Variants in WDR97 observed in about 807,000 individuals in gnomAD.
WDR97 encodes WD repeat-containing protein 97.
In WDR97, 111 loss-of-function variants were observed where a neutral mutation model predicts 65.4. That is an observed-to-expected ratio of 1.70 (90% CI 1.45 to 1.99). WDR97 has a LOEUF of 1.99. Ranked by LOEUF, WDR97 falls within the 30% of genes most tolerant of loss-of-function variation. WDR97 has a pLI of 0.00. For synonymous variants in WDR97, 802 were observed against 397.7 expected (o/e 2.02, Z -12.10); for missense variants, 1,674 against 865.0 (o/e 1.94, Z -11.73).
rs557275471 is a variant in WDR97 at position 144,115,337 on chromosome 8, C to T, written c.4078-4C>T. On this transcript the variant is annotated splice_polypyrimidine_tract_variant and splice_region_variant and intron_variant, in intron 21 of 23. Coordinates refer to ENST00000323662, the MANE Select transcript of WDR97 (RefSeq NM_001316309.2). ...AGACCTTAGCACTTTCCTCTCCTCCCAAGGAGACCCCATCGCAGACGTCAG... is the reference window on the plus strand; with the variant it reads ...AGACCTTAGCACTTTCCTCTCCTCCTAAGGAGACCCCATCGCAGACGTCAG... 7.2e-5 allele frequency: 43 copies of T among 597,036 alleles called. 1 individual carries two copies. The East Asian group carries it at 1.2e-3, about 17-fold the overall frequency. 37.0% of individuals were successfully genotyped at this position (597,036 alleles called of 1,614,324 possible). A position where few individuals can be genotyped will look rare whatever the true frequency, so the allele number is the denominator to read the frequency against.
rs1423751673 is a variant in WDR97 at position 144,116,240 on chromosome 8, G to A, written c.4816G>A (p.Ala1606Thr). The change falls in exon 24 of 24, where the codon GCC becomes ACC. Residue 1606 changes from alanine (A) to threonine (T), a missense_variant. Transcript: ENST00000323662. ...GCTGCCCCCGCGGCTCCTGCAGCCG[G>A]CCCTGCAGCGCTACTTTCTGCCAGC... ...RPLPPRLLQP[A>T]LQRYFLPADA... 1.5e-6 allele frequency: 1 copy of A among 676,912 alleles called. No homozygotes were observed. Among genetic ancestry groups the A allele is most frequent in the Admixed American group, 2.2e-5 (1 of 45,934 alleles). 41.9% of individuals were successfully genotyped at this position (676,912 alleles called of 1,614,324 possible).
In WDR97 at chr8:144,109,558, G is replaced by A; in HGVS notation, c.1224G>A (p.Leu408=). The A allele has an allele frequency of 1.4e-6, 1 of 696,752 alleles. No individual in the cohort carries two copies. The highest frequency in any genetic ancestry group is 2.6e-6 in the Non-Finnish European group (1 of 382,174). 43.2% of individuals were successfully genotyped at this position (696,752 alleles called of 1,614,324 possible). ...VLSLCASSMQ[L]WRVRELYSPL... ...CCCTGTGCGCGAGCAGCATGCAGCT[G>A]TGGCGCGTACGCGAGCTCTACTCGC... is the stretch of plus-strand genomic sequence containing the variant. The change falls in exon 5 of 24, where the codon CTG becomes CTA. Residue 408 remains leucine, a synonymous_variant. Transcript: ENST00000323662.
At chr8:144,113,380 G>A in intron 15 of WDR97, 60 bp from the exon 16 acceptor site, 1 of 623,200 alleles carries the variant, frequency 1.6e-6, no homozygotes. Context: ...AGGTGACCAA[G>A]GGTGGTGTCC....
In WDR97 at chr8:144,109,035, T is replaced by G. The variant is rs1214344806; in HGVS notation, c.879-14T>G. ...TGTTAAGTCCATTGGGATTCTCCCA[T>G]TCCCCACCTGTAGCACCATCTCGGA... On this transcript the variant is annotated splice_polypyrimidine_tract_variant and intron_variant, in intron 3 of 23. Coordinates refer to ENST00000323662, the MANE Select transcript of WDR97 (RefSeq NM_001316309.2). The G allele has an allele frequency of 1.4e-6, 1 of 703,168 alleles. No individual in the cohort carries two copies. The highest frequency in any genetic ancestry group is 2.0e-5 in the Admixed American group (1 of 50,016). The allele number at this position is 703,168 out of a possible 1,614,324, so 43.6% of individuals were successfully genotyped here.
chr8:144,117,560 A>C lies in WDR97; in HGVS notation c.*1267A>C, dbSNP rs1198939391. 1 of 152,520 alleles carries C rather than the reference A, an allele frequency of 6.6e-6. No homozygotes were observed. Among genetic ancestry groups the C allele is most frequent in the Admixed American group, 6.5e-5 (1 of 15,276 alleles). The allele number at this position is 152,520 out of a possible 1,614,324, so 9.4% of individuals were successfully genotyped here. ...ATCTGAGGGACCCCACATGACTTACAATCAGACAAGGTAGGTCAGAGGATT... is the reference window on the plus strand; with the variant it reads ...ATCTGAGGGACCCCACATGACTTACCATCAGACAAGGTAGGTCAGAGGATT... On this transcript the variant is annotated 3_prime_UTR_variant, in exon 24 of 24. Transcript: ENST00000323662.
rs994560775 is a variant in WDR97, at chr8:144,111,925, C to T, written c.2676C>T (p.Ala892=). 12 of 702,346 alleles carry T rather than the reference C, an allele frequency of 1.7e-5. No individual in the cohort carries two copies. The highest frequency in any genetic ancestry group is 4.4e-5 in the South Asian group (3 of 67,588). 43.5% of individuals were successfully genotyped at this position (702,346 alleles called of 1,614,324 possible). The change falls in exon 13 of 24, where the codon GCC becomes GCT. Residue 892 remains alanine, a synonymous_variant. Transcript: ENST00000323662. The part of the protein sequence containing the change: ...QSGRGSQQWS[A]GTLRVERETR... ...GAAGGGGGTCCCAGCAGTGGAGTGC[C>T]GGGACCCTCAGAGTGGAGAGAGAGA...
At chr8:144,112,646 C>A in intron 15 of WDR97, 116 bp downstream of exon 15, 4 of 665,084 alleles carry the variant, frequency 6.0e-6, no homozygotes, top group Non-Finnish European at 1.1e-5. Flanking sequence ...GGGCCATGCC[C>A]ACCTACAACC....
chr8:144,108,339 G>C lies in WDR97; in HGVS notation c.273G>C (p.Ala91=), dbSNP rs944217226. The change falls in exon 3 of 24, where the codon GCG becomes GCC. Residue 91 remains alanine (A), a synonymous_variant. Coordinates refer to ENST00000323662, the MANE Select transcript of WDR97 (RefSeq NM_001316309.2). ...VEKEKRAELR[A]ARLTHGLEPL... ...AGGAGAAGAGAGCCGAGCTGCGCGC[G>C]GCGCGCCTGACGCATGGGCTGGAAC... 4.3e-6 allele frequency: 3 copies of C among 694,424 alleles called. No individual in the cohort carries two copies. The highest frequency in any genetic ancestry group is 5.2e-6 in the Non-Finnish European group (2 of 382,508). The allele number at this position is 694,424 out of a possible 1,614,324, so 43.0% of individuals were successfully genotyped here.
chr8:144,113,890 T>C lies in WDR97; in HGVS notation c.3408+9T>C, dbSNP rs1185918602. ...GGGAACTGGAGGATCAGGTAGAGGC[T>C]CAGGCAGAGGCCCCAGGCCACCACG... On this transcript the variant is annotated intron_variant, in intron 17 of 23. Transcript: ENST00000323662. 2 of 688,232 alleles carry C rather than the reference T, an allele frequency of 2.9e-6. No individual in the cohort carries two copies. The highest frequency in any genetic ancestry group is 2.3e-4 in the Middle Eastern group (1 of 4,296). The allele number at this position is 688,232 out of a possible 1,614,324, so 42.6% of individuals were successfully genotyped here.
rs1337783602 is a variant in WDR97, at chr8:144,109,974, G to T, written c.1640G>T (p.Arg547Leu). The change falls in exon 5 of 24, where the codon CGC becomes CTC. Residue 547 changes from arginine to leucine, a missense_variant. Coordinates refer to ENST00000323662, the MANE Select transcript of WDR97 (RefSeq NM_001316309.2). Reference sequence around the variant, plus strand: ...GCCTTCTCCTCCTGGGAGATCGTGCGCCAGCACTGGGGCGAGTTGCGCTGC... The same window carrying T: ...GCCTTCTCCTCCTGGGAGATCGTGCTCCAGCACTGGGGCGAGTTGCGCTGC... ...EGAFSSWEIV[R>L]QHWGELRCSS... The T allele has an allele frequency of 1.4e-5, 10 of 701,504 alleles. No individual in the cohort carries two copies. Among genetic ancestry groups the T allele is most frequent in the Non-Finnish European group, 2.6e-5 (10 of 384,336 alleles). The allele number at this position is 701,504 out of a possible 1,614,324, so 43.5% of individuals were successfully genotyped here. A position where few individuals can be genotyped will look rare whatever the true frequency, so the allele number is the denominator to read the frequency against.
chr8:144,113,507 T>C lies in WDR97; in HGVS notation c.3173T>C (p.Leu1058Pro). The C allele has an allele frequency of 1.4e-6, 1 of 698,660 alleles. No individual in the cohort carries two copies. Among genetic ancestry groups the C allele is most frequent in the South Asian group, 1.5e-5 (1 of 67,558 alleles). The allele number at this position is 698,660 out of a possible 1,614,324, so 43.3% of individuals were successfully genotyped here. Residue 1058 changes from leucine (L) to proline (P), a missense_variant, in exon 16 of 24, where the codon CTA becomes CCA. Leu to Pro is a moderately conservative substitution (Grantham distance 98). Transcript: ENST00000323662. ...PNSAVLQQMW[L>P]NAEPGASQDA... is the part of the protein sequence containing the mutation. The stretch of plus-strand genomic sequence containing the variant: ...TCCGCGGTGCTACAGCAGATGTGGC[T>C]AAATGCGGAGGTCAGCAGCCTCGGA...
At position 144,111,968 on chromosome 8, in the gene WDR97, G is replaced by C; in HGVS notation, c.2719G>C (p.Val907Leu). Reference protein sequence around the residue: ...VERETRDVCAVPQAAHCLARA... With the variant: ...VERETRDVCALPQAAHCLARA... ...GAGAGAGACCCGGGATGTGTGTGCT[G>C]TACCCCAAGCTGCCCACTGTCTTGC... Residue 907 changes from valine to leucine, a missense_variant, in exon 13 of 24, where the codon GTA (valine) becomes CTA (leucine). Physicochemically the swap from Val to Leu is conservative, Grantham distance 32. Coordinates refer to ENST00000323662, the MANE Select transcript of WDR97 (RefSeq NM_001316309.2). 3 of 702,544 alleles carry C rather than the reference G, an allele frequency of 4.3e-6. No individual in the cohort carries two copies. Among genetic ancestry groups the C allele is most frequent in the Non-Finnish European group, 7.8e-6 (3 of 384,946 alleles). The allele number at this position is 702,544 out of a possible 1,614,324, so 43.5% of individuals were successfully genotyped here.
intron 15 of WDR97, 56 bp downstream of exon 15, chr8:144,112,586 G>A: frequency 7.1e-6 from 5 of 700,152 alleles, no homozygotes; most frequent in Non-Finnish European, 7.8e-6. Flanking sequence ...TCACTCTTGT[G>A]CCTGCCATCT....
Position 144,114,914 on chromosome 8 carries a change from TGGGCCGGCAG to T in WDR97, c.4077+11_4077+20del, listed in dbSNP as rs1300865072. 2.9e-6 allele frequency: 2 copies of T among 689,306 alleles called. No homozygotes were observed. Among genetic ancestry groups the T allele is most frequent in the East Asian group, 5.4e-5 (2 of 37,210 alleles). The allele number at this position is 689,306 out of a possible 1,614,324, so 42.7% of individuals were successfully genotyped here. On this transcript the variant is annotated splice_donor_5th_base_variant and intron_variant, in intron 21 of 23. Coordinates refer to ENST00000323662, the MANE Select transcript of WDR97 (RefSeq NM_001316309.2). ...AGGACATGATCCAGGAGCTTCAGGT[TGGGCCGGCAG>T]GGGCCGGGGGGGCCTTGGGAACCCT...
intron 9 of WDR97, 46 bp downstream of exon 9, chr8:144,111,042 C>T: frequency 2.8e-6 from 2 of 702,560 alleles, no homozygotes; most frequent in Non-Finnish European, 5.2e-6. Flanking sequence ...CCCTTGCTCA[C>T]CTTGGGGGGC....
In WDR97 at chr8:144,108,805, G is replaced by A. The variant is rs1196973112; in HGVS notation, c.739G>A (p.Gly247Ser). Residue 247 changes from glycine to serine, a missense_variant, in exon 3 of 24, where the codon GGC becomes AGC. Transcript: ENST00000323662. ...SALHPPPSPT[G>S]RLMRLAVAPV... ...ACTGCACCCGCCCCCGAGCCCAACAGGCAGGCTCATGCGTCTGGCTGTGGC... is the reference window on the plus strand; with the variant it reads ...ACTGCACCCGCCCCCGAGCCCAACAAGCAGGCTCATGCGTCTGGCTGTGGC... 4.3e-6 allele frequency: 3 copies of A among 702,624 alleles called. No individual in the cohort carries two copies. Among genetic ancestry groups the A allele is most frequent in the African/African-American group, 1.7e-5 (1 of 57,264 alleles). 43.5% of individuals were successfully genotyped at this position (702,624 alleles called of 1,614,324 possible).
Position 144,109,450 on chromosome 8 carries a change from G to A in WDR97, c.1116G>A (p.Ala372=), listed in dbSNP as rs749761623. ...LQAAAQVGEV[A]LGFWGQDKLS... ...CGGCGGCGCAGGTGGGCGAGGTAGC[G>A]CTGGGCTTCTGGGGCCAGGACAAGC... is the stretch of plus-strand genomic sequence containing the variant. Residue 372 remains alanine, a synonymous_variant, in exon 5 of 24, where the codon GCG becomes GCA. Coordinates refer to ENST00000323662, the MANE Select transcript of WDR97 (RefSeq NM_001316309.2). 1.4e-6 allele frequency: 1 copy of A among 701,226 alleles called. No individual in the cohort carries two copies. Among genetic ancestry groups the A allele is most frequent in the Non-Finnish European group, 2.6e-6 (1 of 384,300 alleles). 43.4% of individuals were successfully genotyped at this position (701,226 alleles called of 1,614,324 possible). A position where few individuals can be genotyped will look rare whatever the true frequency, so the allele number is the denominator to read the frequency against.
In WDR97 at chr8:144,110,141, C is replaced by T. The variant is rs1454661677; in HGVS notation, c.1728C>T (p.Asp576=). 1.4e-6 allele frequency: 1 copy of T among 702,762 alleles called. No homozygotes were observed. The highest frequency in any genetic ancestry group is 2.6e-6 in the Non-Finnish European group (1 of 384,930). The allele number at this position is 702,762 out of a possible 1,614,324, so 43.5% of individuals were successfully genotyped here. The change falls in exon 6 of 24, where the codon GAC becomes GAT. Residue 576 remains aspartate (D), a synonymous_variant. Coordinates refer to ENST00000323662, the MANE Select transcript of WDR97 (RefSeq NM_001316309.2). The stretch of plus-strand genomic sequence containing the variant: ...ACCTGCCAGTGGTGGGGCACACGGA[C>T]GGCACGCTGTCGGTGCTGGAGTGGC... ...NRYLPVVGHT[D]GTLSVLEWLS...
In WDR97 at chr8:144,110,192, G is replaced by C; in HGVS notation, c.1779G>C (p.Thr593=). 1.4e-6 allele frequency: 1 copy of C among 702,886 alleles called. No homozygotes were observed. The highest frequency in any genetic ancestry group is 2.7e-5 in the East Asian group (1 of 37,284). 43.5% of individuals were successfully genotyped at this position (702,886 alleles called of 1,614,324 possible). The part of the protein sequence containing the change: ...EWLSSKTVFQ[T]EAHSPGPVVA... ...TCTCGTCGAAGACTGTCTTCCAAAC[G>C]GAGGCGCACAGCCCGGGCCCGGTTG... The change falls in exon 6 of 24, where the codon ACG becomes ACC. Residue 593 remains threonine, a synonymous_variant. Coordinates refer to ENST00000323662, the MANE Select transcript of WDR97 (RefSeq NM_001316309.2).
Sources: allele counts gnomAD v4.1 joint callset, GRCh38; gene constraint gnomAD v4.1.1; transcripts MANE v1.5; gene names NCBI Gene and HGNC (gene_info 2026-07-23, HGNC 2026-07-21).